Variants in KCNMB4 observed in about 807,000 individuals in gnomAD.
KCNMB4 encodes the protein potassium calcium-activated channel subfamily M regulatory beta subunit 4.
KCNMB4 carries 3 observed loss-of-function variants against 20.7 expected under a neutral mutation model. That is an observed-to-expected ratio of 0.14 (90% CI 0.07 to 0.37). KCNMB4 has a LOEUF of 0.37. Ranked by LOEUF, KCNMB4 falls within the 10% of genes least tolerant of loss-of-function variation. KCNMB4 has a pLI of 1.00. For missense variants in KCNMB4, 168 were observed against 265.9 expected, an observed-to-expected ratio of 0.63 and a Z score of 2.56; for synonymous variants, 110 against 113.4, an observed-to-expected ratio of 0.97 and a Z score of 0.19.
intron 2 of KCNMB4, among the ~76,000 whole-genome samples, chr12:70,419,064 C>G (rs753026903): frequency 6.6e-6 from 1 of 152,120 alleles, no homozygotes; most frequent in East Asian, 1.9e-4. Flanking sequence ...CTATCCAGCC[C>G]GGGCTTGCTT....
chr12:70,419,524 T>C (rs1463922804), intron 2 of KCNMB4, among the ~76,000 whole-genome samples: 3 of 152,190 alleles, frequency 2.0e-5, no homozygotes, highest in Non-Finnish European at 4.4e-5. Context: ...AATTTCTCTT[T>C]GCAGAAATTC....
intron 2 of KCNMB4, among the ~76,000 whole-genome samples, chr12:70,407,659 G>A (rs1400612456): frequency 6.6e-6 from 1 of 150,796 alleles, no homozygotes; most frequent in Non-Finnish European, 1.5e-5. Context: ...AGTAGAGACG[G>A]GGTTTCACCG....
chr12:70,409,233 G>A (rs1565863565), intron 2 of KCNMB4, among the ~76,000 whole-genome samples: 1 of 152,268 alleles, frequency 6.6e-6, no homozygotes, highest in East Asian at 1.9e-4. Flanking sequence ...CACACCACCT[G>A]TGCAGTCTCT....
chr12:70,382,542 G>A (rs1883809025), intron 1 of KCNMB4, among the ~76,000 whole-genome samples: 1 of 151,920 alleles, frequency 6.6e-6, no homozygotes, highest in Non-Finnish European at 1.5e-5. Context: ...GTATATATGG[G>A]GTGGGCAAAG....
chr12:70,406,465 G>C (rs1320327126), intron 2 of KCNMB4, among the ~76,000 whole-genome samples: 1 of 152,178 alleles, frequency 6.6e-6, no homozygotes, highest in Non-Finnish European at 1.5e-5. Context: ...AGTAAAAATG[G>C]AACGTGCCCT....
intron 1 of KCNMB4, among the ~76,000 whole-genome samples, chr12:70,396,401 G>T (rs1187946752): frequency 6.6e-6 from 1 of 152,176 alleles, no homozygotes; most frequent in Non-Finnish European, 1.5e-5. Context: ...CGCCTCCTGG[G>T]TTTAAGTGAT....
chr12:70,368,351 C>A (rs1883531648), intron 1 of KCNMB4, among the ~76,000 whole-genome samples: 1 of 151,706 alleles, frequency 6.6e-6, no homozygotes, highest in Admixed American at 6.6e-5. Context: ...GAAAATATTT[C>A]TTTTTAAAAA....
intron 1 of KCNMB4, among the ~76,000 whole-genome samples, chr12:70,398,263 T>C (rs1420991324): frequency 1.3e-5 from 2 of 152,072 alleles, no homozygotes; most frequent in African/African-American, 4.8e-5. Context: ...TTTCTTGGTG[T>C]ACCTCCAAGA....
chr12:70,394,862 T>A (rs1868337546), intron 1 of KCNMB4, among the ~76,000 whole-genome samples: 1 of 152,116 alleles, frequency 6.6e-6, no homozygotes, highest in African/African-American at 2.4e-5. Context: ...AGATGAGATC[T>A]CACTTTGTTG....
rs574918190 is a variant in KCNMB4 at position 70,369,128 on chromosome 12, A to T, written c.336+2058A>T. On this transcript the variant is annotated intron_variant, in intron 1 of 2. Coordinates refer to ENST00000258111, the MANE Select transcript of KCNMB4 (RefSeq NM_014505.6). The stretch of plus-strand genomic sequence containing the variant: ...AACTGGAGAAGAATATATTTATGTT[A>T]CAGAAGTCATGGACAACATCCTATT... Among the ~76,000 whole-genome samples the T allele has an allele frequency of 7.9e-5, 12 of 152,372 alleles. No individual in the cohort carries two copies. In the East Asian group the frequency reaches 2.3e-3, roughly 29 times the overall value.
chr12:70,414,156 C>G (rs1202994997), intron 2 of KCNMB4, among the ~76,000 whole-genome samples: 1 of 151,996 alleles, frequency 6.6e-6, no homozygotes, highest in African/African-American at 2.4e-5. Flanking sequence ...TGCTTGAACC[C>G]GGGAGGCAGA....
intron 1 of KCNMB4, among the ~76,000 whole-genome samples, chr12:70,376,647 C>T (rs887537483): frequency 4.6e-5 from 7 of 151,750 alleles, no homozygotes; most frequent in Non-Finnish European, 7.4e-5. Flanking sequence ...GCAGGAGGAC[C>T]GCTTAGCCCG....
In KCNMB4 at chr12:70,430,809, T is replaced by C. The variant is rs1465487937; in HGVS notation, c.*156T>C. On this transcript the variant is annotated 3_prime_UTR_variant, in exon 3 of 3. Transcript: ENST00000258111. ...CAGTGGCAACAGAAACAGGCACAAC[T>C]GGAAGACTTGGAACCTCAAAGCTTG... 3 of 615,122 alleles carry C rather than the reference T, an allele frequency of 4.9e-6. No individual in the cohort carries two copies. The allele number at this position is 615,122 out of a possible 1,614,324, so 38.1% of individuals were successfully genotyped here. A position where few individuals can be genotyped will look rare whatever the true frequency, so the allele number is the denominator to read the frequency against.
chr12:70,387,398 A>ATT (rs200125786), intron 1 of KCNMB4, among the ~76,000 whole-genome samples: 25 of 123,992 alleles, frequency 2.0e-4, no homozygotes, highest in African/African-American at 3.4e-4. Context: ...AAATTTTTTA[A>ATT]TTTTTTTTTT....
At chr12:70,418,102 G>C (rs1868956715) in intron 2 of KCNMB4, among the ~76,000 whole-genome samples, 1 of 152,082 alleles carries the variant, frequency 6.6e-6, no homozygotes, top group Non-Finnish European at 1.5e-5. Flanking sequence ...CTGTTGAGAT[G>C]GTAAGAAGAT....
intron 2 of KCNMB4, among the ~76,000 whole-genome samples, chr12:70,427,285 T>C (rs1370822086): frequency 6.6e-5 from 10 of 152,196 alleles, no homozygotes; most frequent in Admixed American, 6.5e-4. Context: ...GTGCCTTCAA[T>C]TAAGGCACTA....
At position 70,422,817 on chromosome 12, in the gene KCNMB4, C is replaced by CGACA. The variant is rs1477226131; in HGVS notation, c.465-7665_465-7662dup. 4.8e-6 allele frequency: 6 copies of CGACA among 1,249,388 alleles called. No individual in the cohort carries two copies. The Admixed American group carries it at 9.0e-5, about 19-fold the overall frequency. The allele number at this position is 1,249,388 out of a possible 1,614,324, so 77.4% of individuals were successfully genotyped here. The stretch of plus-strand genomic sequence containing the variant: ...GTTTTAAGAATCACATTGGGAAAAC[C>CGACA]GACAGATGGATAAAAAATAATTACC... On this transcript the variant is annotated intron_variant, in intron 2 of 2. Coordinates refer to ENST00000258111, the MANE Select transcript of KCNMB4 (RefSeq NM_014505.6).
At chr12:70,378,852 AAAT>A (rs1280961983) in intron 1 of KCNMB4, among the ~76,000 whole-genome samples, 1 of 152,144 alleles carries the variant, frequency 6.6e-6, no homozygotes, top group Non-Finnish European at 1.5e-5. Flanking sequence ...TGTATTTTTT[AAAT>A]AATAAGACAT....
intron 1 of KCNMB4, among the ~76,000 whole-genome samples, chr12:70,374,631 T>A (rs1177908622): frequency 6.6e-6 from 1 of 152,206 alleles, no homozygotes; most frequent in Non-Finnish European, 1.5e-5. Flanking sequence ...CTGTGGCCAT[T>A]TTTATAAATA....
Sources: allele counts gnomAD v4.1 joint callset (sites outside exome capture counted in the v4.1 genomes callset), GRCh38; gene constraint gnomAD v4.1.1; transcripts MANE v1.5; gene names NCBI Gene and HGNC (gene_info 2026-07-23, HGNC 2026-07-21).